CNTNAP4: variants seen among roughly 807,000 people sequenced by gnomAD.
CNTNAP4 encodes contactin associated protein family member 4, also known as contactin-associated protein-like 4.
Under a neutral mutation model 148.4 loss-of-function variants are expected in CNTNAP4, and 98 were observed. That is an observed-to-expected ratio of 0.66 (90% CI 0.56 to 0.78). The LOEUF (loss-of-function observed/expected upper bound fraction) is 0.78, where lower values mean the gene tolerates loss of function less well. CNTNAP4 is among the 30% of genes least tolerant of loss of function. The pLI, the probability that CNTNAP4 is intolerant of heterozygous loss-of-function variation, is 0.00. For synonymous variants in CNTNAP4, 730 were observed against 565.1 expected, an observed-to-expected ratio of 1.29 and a Z score of -4.14; for missense variants, 1,935 against 1,565.6, an observed-to-expected ratio of 1.24 and a Z score of -3.98.
At chr16:76,451,201 A>G (rs1379586484) in intron 7 of CNTNAP4, among the ~76,000 whole-genome samples, 1 of 152,174 alleles carries the variant, frequency 6.6e-6, no homozygotes, top group African/African-American at 2.4e-5. Flanking sequence ...ACATGATTAG[A>G]AAAACAACCT....
chr16:76,302,872 T>G (rs1471373638), intron 1 of CNTNAP4, among the ~76,000 whole-genome samples: 1 of 152,174 alleles, frequency 6.6e-6, no homozygotes, highest in Non-Finnish European at 1.5e-5. Flanking sequence ...TATGCCACGA[T>G]GCTGCATGTT....
At chr16:76,450,073 A>T (rs1047899152) in intron 7 of CNTNAP4, among the ~76,000 whole-genome samples, 44 of 152,226 alleles carry the variant, frequency 2.9e-4, no homozygotes, top group African/African-American at 1.1e-3. Flanking sequence ...TATGAAGTAA[A>T]GCAGTGTTTT....
intron 9 of CNTNAP4, among the ~76,000 whole-genome samples, chr16:76,464,403 A>G (rs2081099742): frequency 6.6e-6 from 1 of 152,164 alleles, no homozygotes; most frequent in African/African-American, 2.4e-5. Context: ...CTTTAGCTGA[A>G]CGACCTTCAT....
At chr16:76,340,461 G>C (rs13333980) in intron 2 of CNTNAP4, among the ~76,000 whole-genome samples, 32,793 of 151,766 alleles carry the variant, frequency 0.22, 4,091 homozygotes, top group East Asian at 0.48. Flanking sequence ...TCTTGACTCT[G>C]AGCACCACCA....
chr16:76,489,679 A>G lies in CNTNAP4; in HGVS notation c.1883-7A>G, dbSNP rs1568375388. ...CCTCTCTTTCTCCCCCCATTTCTGC[A>G]TACAAGAAACTGCATGGACCATCAT... On this transcript the variant is annotated splice_region_variant and splice_polypyrimidine_tract_variant and intron_variant, in intron 12 of 23. Transcript: ENST00000611870. 5.9e-6 allele frequency: 9 copies of G among 1,518,976 alleles called. No homozygotes were observed. Among genetic ancestry groups the G allele is most frequent in the African/African-American group, 1.4e-5 (1 of 72,662 alleles). 94.1% of individuals were successfully genotyped at this position (1,518,976 alleles called of 1,614,324 possible). A position where few individuals can be genotyped will look rare whatever the true frequency, so the allele number is the denominator to read the frequency against.
At chr16:76,455,676 C>T (rs995555518) in intron 8 of CNTNAP4, among the ~76,000 whole-genome samples, 2 of 152,218 alleles carry the variant, frequency 1.3e-5, no homozygotes, top group Non-Finnish European at 2.9e-5. Context: ...ATAAGAATGT[C>T]TGGCACTTCA....
chr16:76,423,128 A>C (rs182610646), intron 3 of CNTNAP4, among the ~76,000 whole-genome samples: 2 of 152,294 alleles, frequency 1.3e-5, no homozygotes, highest in East Asian at 3.9e-4. Flanking sequence ...TGGTGCCTTC[A>C]TTTTGGACTT....
rs781672612 is a variant in CNTNAP4 at position 76,522,286 on chromosome 16, A to G, written c.2755+29A>G. 16 of 1,578,416 alleles carry G rather than the reference A, an allele frequency of 1.0e-5. No individual in the cohort carries two copies. The East Asian group carries it at 2.9e-4, about 29-fold the overall frequency. ...AGTTCTCTTTTTAAGCAATCATTTT[A>G]TTGTATGATATGTGTTCAGAAATGG... On this transcript the variant is annotated intron_variant, in intron 17 of 23. Transcript: ENST00000611870.
intron 12 of CNTNAP4, among the ~76,000 whole-genome samples, chr16:76,487,710 C>T (rs1240139282): frequency 1.3e-5 from 2 of 152,184 alleles, no homozygotes; most frequent in African/African-American, 2.4e-5. Flanking sequence ...AACATCATAC[C>T]TTGTAGTGCT....
At chr16:76,301,067 A>G (rs942141256) in intron 1 of CNTNAP4, among the ~76,000 whole-genome samples, 1 of 152,118 alleles carries the variant, frequency 6.6e-6, no homozygotes, top group Non-Finnish European at 1.5e-5. Flanking sequence ...TAACTTACAG[A>G]CATGAAAACA....
chr16:76,305,154 T>C (rs1477646712), intron 1 of CNTNAP4, among the ~76,000 whole-genome samples: 1 of 152,232 alleles, frequency 6.6e-6, no homozygotes, highest in Non-Finnish European at 1.5e-5. Flanking sequence ...ATTGCTAAAT[T>C]GCTTTCCTCT....
chr16:76,384,639 G>T (rs1023099049), intron 3 of CNTNAP4, among the ~76,000 whole-genome samples: 1 of 152,042 alleles, frequency 6.6e-6, no homozygotes, highest in African/African-American at 2.4e-5. Flanking sequence ...GAGATTCCGC[G>T]CTCCTCTCTC....
intron 2 of CNTNAP4, among the ~76,000 whole-genome samples, chr16:76,343,739 C>A (rs1047407082): frequency 4.2e-5 from 6 of 143,832 alleles, no homozygotes; most frequent in African/African-American, 1.5e-4. Context: ...GTTGAAACTT[C>A]ATTTTTTTTT....
At position 76,291,773 on chromosome 16, in the gene CNTNAP4, G is replaced by C. The variant is rs555741918; in HGVS notation, c.85+14026G>C. Among the ~76,000 whole-genome samples, 19 of 152,280 alleles carry C rather than the reference G, an allele frequency of 1.2e-4. 1 individual carries two copies. In the South Asian group the frequency reaches 3.9e-3, roughly 32 times the overall value. ...CTTTCTAGTAAGTTTTGAAAAGTCA[G>C]TTTAAAATTTATCATCTAATTTTAA... On this transcript the variant is annotated intron_variant, in intron 1 of 23. Transcript: ENST00000611870.
chr16:76,507,661 A>G (rs60485810), intron 15 of CNTNAP4, among the ~76,000 whole-genome samples: 6,600 of 97,828 alleles, frequency 0.067, 1,379 homozygotes, highest in African/African-American at 0.15. Flanking sequence ...AAGTGGACCA[A>G]TGGTGCTGAC....
At chr16:76,436,987 G>GTCTATCTATCTA (rs59086267) in intron 4 of CNTNAP4, among the ~76,000 whole-genome samples, 1 of 151,192 alleles carries the variant, frequency 6.6e-6, no homozygotes, top group African/African-American at 2.4e-5. Flanking sequence ...CTATCTATCT[G>GTCTATCTATCTA]TCTATCTAGG....
chr16:76,521,109 T>A (rs1053891477), intron 15 of CNTNAP4, 31 bp from the exon 16 acceptor site: 2 of 1,280,842 alleles, frequency 1.6e-6, no homozygotes, highest in African/African-American at 7.5e-5. Context: ...TCTTTCTGAA[T>A]TTTTTTTTCT....
intron 3 of CNTNAP4, among the ~76,000 whole-genome samples, chr16:76,355,879 T>C (rs900638104): frequency 9.5e-5 from 14 of 147,678 alleles, no homozygotes; most frequent in Non-Finnish European, 1.8e-4. Context: ...TTTATTTATT[T>C]ATTTATTTAT....
chr16:76,411,990 T>G (rs531272676), intron 3 of CNTNAP4, among the ~76,000 whole-genome samples: 1 of 151,576 alleles, frequency 6.6e-6, no homozygotes, highest in East Asian at 1.9e-4. Context: ...ATCATGACCA[T>G]GAATTCTATT....
Sources: gnomAD v4.1 joint callset for allele counts (sites outside exome capture counted in the v4.1 genomes callset) on GRCh38, gnomAD v4.1.1 for gene constraint, MANE v1.5 for transcripts, NCBI Gene and HGNC (gene_info 2026-07-23, HGNC 2026-07-21) for gene names.